Variants in SDK1 observed in about 807,000 individuals in gnomAD.
SDK1 encodes the protein sidekick cell adhesion molecule 1, also known as protein sidekick-1.
Under a neutral mutation model 245.5 loss-of-function variants are expected in SDK1, and 157 were observed. The observed-to-expected ratio is 0.64, with a 90% CI of 0.56 to 0.73. SDK1 has a LOEUF of 0.73. Ranked by LOEUF, SDK1 falls within the 30% of genes least tolerant of loss-of-function variation. SDK1 has a pLI of 0.00. For synonymous variants in SDK1, 1,647 were observed against 1,278.5 expected, an observed-to-expected ratio of 1.29 and a Z score of -6.15; for missense variants, 3,583 against 3,002.3, an observed-to-expected ratio of 1.19 and a Z score of -4.52.
chr7:3,436,577 A>G (rs1484537620), intron 1 of SDK1, among the ~76,000 whole-genome samples: 1 of 152,190 alleles, frequency 6.6e-6, no homozygotes, highest in East Asian at 1.9e-4. Flanking sequence ...AAAATGAAAA[A>G]TTTTAAATAG....
chr7:3,996,929 T>C (rs543015406), intron 14 of SDK1, among the ~76,000 whole-genome samples: 1 of 152,358 alleles, frequency 6.6e-6, no homozygotes, highest in African/African-American at 2.4e-5. Context: ...TTATGTGTAA[T>C]ATAGATTGTT....
chr7:4,208,010 A>T, intron 36 of SDK1, 89 bp from the exon 37 acceptor site: 1 of 955,298 alleles, frequency 1.0e-6, no homozygotes, highest in Non-Finnish European at 1.6e-6. Context: ...AACTCAGCTC[A>T]CCCCCTCGCT....
At chr7:3,751,691 G>C (rs1478650710) in intron 4 of SDK1, among the ~76,000 whole-genome samples, 1 of 152,162 alleles carries the variant, frequency 6.6e-6, no homozygotes, top group African/African-American at 2.4e-5. Context: ...CGAGCTCTGT[G>C]ATCCAGCACA....
intron 5 of SDK1, among the ~76,000 whole-genome samples, chr7:3,922,834 A>G (rs898888929): frequency 6.6e-5 from 10 of 152,138 alleles, no homozygotes; most frequent in African/African-American, 2.4e-4. Context: ...TGTTAATTTG[A>G]TTAATGTGTT....
At chr7:3,780,060 A>G (rs1780685093) in intron 4 of SDK1, among the ~76,000 whole-genome samples, 1 of 152,154 alleles carries the variant, frequency 6.6e-6, no homozygotes, top group South Asian at 2.1e-4. Context: ...AGCTGTCCAC[A>G]GACTAGAATA....
intron 1 of SDK1, among the ~76,000 whole-genome samples, chr7:3,540,364 C>A (rs1218809817): frequency 6.6e-6 from 1 of 152,108 alleles, no homozygotes; most frequent in Non-Finnish European, 1.5e-5. Context: ...CCGAAATTGC[C>A]CCACTTTACT....
intron 1 of SDK1, among the ~76,000 whole-genome samples, chr7:3,589,911 A>AGATG (rs1780807220): frequency 6.6e-6 from 1 of 152,222 alleles, no homozygotes; most frequent in African/African-American, 2.4e-5. Context: ...AAGCAATAAC[A>AGATG]GATGGAATAT....
At chr7:4,200,702 C>T (rs1263866229) in intron 35 of SDK1, among the ~76,000 whole-genome samples, 1 of 152,224 alleles carries the variant, frequency 6.6e-6, no homozygotes, top group Non-Finnish European at 1.5e-5. Context: ...AGCAGGTGAG[C>T]AGGAGAGATG....
intron 4 of SDK1, among the ~76,000 whole-genome samples, chr7:3,746,979 A>G (rs988281065): frequency 1.3e-5 from 2 of 152,238 alleles, no homozygotes; most frequent in African/African-American, 4.8e-5. Context: ...CGTGGCAGCT[A>G]TAGACTTACA....
intron 2 of SDK1, among the ~76,000 whole-genome samples, chr7:3,627,406 A>T (rs1467539120): frequency 2.0e-5 from 3 of 152,176 alleles, no homozygotes; most frequent in Non-Finnish European, 4.4e-5. Flanking sequence ...CCACGTGTAT[A>T]GGAGGTATTC....
intron 8 of SDK1, among the ~76,000 whole-genome samples, chr7:3,962,359 C>G (rs1009294205): frequency 6.6e-6 from 1 of 152,192 alleles, no homozygotes; most frequent in Non-Finnish European, 1.5e-5. Context: ...TAACCTGACT[C>G]TCAGCTGGAA....
At chr7:3,642,202 T>C (rs937844934) in intron 4 of SDK1, 97 bp downstream of exon 4, 4 of 1,219,494 alleles carry the variant, frequency 3.3e-6, no homozygotes, top group East Asian at 2.5e-5. Context: ...TTACCGATGA[T>C]TTAAAAAGAG....
Position 3,969,368 on chromosome 7 carries a change from G to T in SDK1, c.1658G>T (p.Cys553Phe). 2.5e-6 allele frequency: 4 copies of T among 1,611,306 alleles called. No individual in the cohort carries two copies. The highest frequency in any genetic ancestry group is 2.5e-6 in the Non-Finnish European group (3 of 1,178,928). The change falls in exon 11 of 45, where the codon TGC becomes TTC. Residue 553 changes from cysteine (C) to phenylalanine (F), a missense_variant. Transcript: ENST00000404826. ...ATCCAGGATGCCGGCAACTACACCTGCTATGCGGCCAACACAGAGGGCTCC... is the reference window on the plus strand; with the variant it reads ...ATCCAGGATGCCGGCAACTACACCTTCTATGCGGCCAACACAGAGGGCTCC... ...VFIQDAGNYTCYAANTEGSLN... is the reference protein window; with the variant it reads ...VFIQDAGNYTFYAANTEGSLN...
chr7:3,358,135 C>T (rs959047816), intron 1 of SDK1, among the ~76,000 whole-genome samples: 12 of 152,214 alleles, frequency 7.9e-5, no homozygotes, highest in Non-Finnish European at 1.3e-4. Flanking sequence ...GATTCTCCTG[C>T]GTCAGCTTCC....
intron 1 of SDK1, among the ~76,000 whole-genome samples, chr7:3,353,408 C>T (rs541236727): frequency 6.6e-6 from 1 of 152,050 alleles, no homozygotes; most frequent in Non-Finnish European, 1.5e-5. Context: ...ACTCACATGA[C>T]TCCCAATTTT....
chr7:3,308,299 G>A (rs1268255412), intron 1 of SDK1, among the ~76,000 whole-genome samples: 2 of 152,146 alleles, frequency 1.3e-5, no homozygotes, highest in Non-Finnish European at 2.9e-5. Flanking sequence ...GGCGATGGAT[G>A]AGAATGTTTA....
intron 5 of SDK1, among the ~76,000 whole-genome samples, chr7:3,945,736 A>G (rs897739027): frequency 3.3e-5 from 5 of 151,732 alleles, no homozygotes; most frequent in Admixed American, 2.6e-4. Flanking sequence ...TGTCTCTACT[A>G]AAAATACAAA....
At chr7:4,011,946 A>C (rs1786002143) in intron 15 of SDK1, 149 bp from the exon 16 acceptor site, 4 of 565,520 alleles carry the variant, frequency 7.1e-6, no homozygotes, top group African/African-American at 3.9e-5. Flanking sequence ...ACGTCCTTTC[A>C]GTTTCATTGG....
At chr7:4,061,527 G>T (rs1239781021) in intron 19 of SDK1, among the ~76,000 whole-genome samples, 1 of 152,056 alleles carries the variant, frequency 6.6e-6, no homozygotes, top group Non-Finnish European at 1.5e-5. Context: ...CTTTTACATT[G>T]TTGGTGGGAC....
Sources: allele counts gnomAD v4.1 joint callset (sites outside exome capture counted in the v4.1 genomes callset), GRCh38; gene constraint gnomAD v4.1.1; transcripts MANE v1.5; gene names NCBI Gene and HGNC (gene_info 2026-07-23, HGNC 2026-07-21).